The following ATXN1 variants were observed in gnomAD, a reference collection of about 807,000 sequenced individuals.
ATXN1 encodes the protein ataxin-1.
A neutral mutation model predicts 56.4 loss-of-function variants in ATXN1; 8 were observed. That is an observed-to-expected ratio of 0.14 (90% CI 0.08 to 0.26). The LOEUF is 0.26. Ranked by LOEUF, ATXN1 falls within the 10% of genes least tolerant of loss-of-function variation. The pLI, the probability that ATXN1 is intolerant of heterozygous loss-of-function variation, is 1.00. For missense variants in ATXN1, 987 were observed against 1,106.5 expected (o/e 0.89, Z 1.53); for synonymous variants, 514 against 494.6 (o/e 1.04, Z -0.52).
chr6:16,402,644 AAGGG>A (rs1483348310), intron 6 of ATXN1, among the ~76,000 whole-genome samples: 5 of 152,160 alleles, frequency 3.3e-5, no homozygotes, highest in African/African-American at 1.2e-4. Flanking sequence ...TCCTCCTTTC[AAGGG>A]AGGATCATTT....
chr6:16,566,546 A>AAAAC lies in ATXN1; in HGVS notation c.-361+19230_-361+19233dup, dbSNP rs531564016. Among the ~76,000 whole-genome samples, 577 of 152,056 alleles carry AAAAC rather than the reference A, an allele frequency of 3.8e-3. 2 individuals carry two copies. The highest frequency in any genetic ancestry group is 0.011 in the African/African-American group (453 of 41,470). Reference sequence around the variant, plus strand: ...CATCTCACCATGCCTGGCCAATTAAAAAACAAACAAACAAACAAACAAACA... The same window carrying AAAAC: ...CATCTCACCATGCCTGGCCAATTAAAAAACAAACAAACAAACAAACAAACAAACA... On this transcript the variant is annotated intron_variant, in intron 4 of 7. Transcript: ENST00000436367.
At chr6:16,473,196 T>G (rs1014038591) in intron 6 of ATXN1, among the ~76,000 whole-genome samples, 3 of 152,158 alleles carry the variant, frequency 2.0e-5, no homozygotes, top group African/African-American at 7.2e-5. Context: ...CCCTCAATTT[T>G]ACCTATAAAA....
chr6:16,360,092 A>G (rs179975), intron 6 of ATXN1, among the ~76,000 whole-genome samples: 113,910 of 152,060 alleles, frequency 0.75, 42,707 homozygotes, highest in Admixed American at 0.83. Flanking sequence ...TAAAAAAGAC[A>G]GAAGAAAATT....
chr6:16,584,309 T>C (rs1479648916), intron 4 of ATXN1, among the ~76,000 whole-genome samples: 1 of 149,812 alleles, frequency 6.7e-6, no homozygotes, highest in Non-Finnish European at 1.5e-5. Context: ...CACATACATA[T>C]ATAGGCACAT....
intron 6 of ATXN1, among the ~76,000 whole-genome samples, chr6:16,372,966 CAAAT>C (rs1301454370): frequency 9.5e-5 from 12 of 125,966 alleles, no homozygotes; most frequent in Admixed American, 3.5e-4. Context: ...AACAAACAAA[CAAAT>C]AAATGAACCT....
intron 6 of ATXN1, among the ~76,000 whole-genome samples, chr6:16,362,545 G>A (rs529936773): frequency 1.3e-5 from 2 of 152,130 alleles, no homozygotes; most frequent in Admixed American, 6.5e-5. Context: ...CCCCCGCTCC[G>A]GAGTGAAAGA....
chr6:16,592,759 CACAGA>C (rs1466004385), intron 3 of ATXN1, among the ~76,000 whole-genome samples: 1 of 151,280 alleles, frequency 6.6e-6, no homozygotes, highest in African/African-American at 2.4e-5. Flanking sequence ...TTAAAGATGG[CACAGA>C]CCCAAAAGAC....
intron 3 of ATXN1, among the ~76,000 whole-genome samples, chr6:16,591,491 G>C (rs1308365147): frequency 6.6e-6 from 1 of 151,994 alleles, no homozygotes; most frequent in Non-Finnish European, 1.5e-5. Flanking sequence ...ACATCTGATG[G>C]AATCTTAGTA....
At chr6:16,728,612 T>G (rs1759901673) in intron 2 of ATXN1, among the ~76,000 whole-genome samples, 1 of 152,164 alleles carries the variant, frequency 6.6e-6, no homozygotes, top group Non-Finnish European at 1.5e-5. Context: ...AGAATGGTAA[T>G]ATCATCATAG....
At chr6:16,690,804 C>G (rs781259148) in intron 2 of ATXN1, among the ~76,000 whole-genome samples, 1 of 152,158 alleles carries the variant, frequency 6.6e-6, no homozygotes, top group Non-Finnish European at 1.5e-5. Context: ...CTGCCTGGAG[C>G]GAGACCTGAC....
At chr6:16,715,631 G>C (rs1357940698) in intron 2 of ATXN1, among the ~76,000 whole-genome samples, 1 of 152,188 alleles carries the variant, frequency 6.6e-6, no homozygotes, top group East Asian at 1.9e-4. Context: ...TTGGAAGAAA[G>C]CTCCTATTTC....
chr6:16,337,621 C>A (rs914058211), intron 6 of ATXN1, among the ~76,000 whole-genome samples: 1 of 152,226 alleles, frequency 6.6e-6, no homozygotes, highest in African/African-American at 2.4e-5. Context: ...CTGTCAAGAC[C>A]TTTCCTGATT....
chr6:16,745,933 CGTGTGTGTGT>C (rs60773814), intron 2 of ATXN1, among the ~76,000 whole-genome samples: 2,298 of 147,208 alleles, frequency 0.016, 52 homozygotes, highest in African/African-American at 0.048. Context: ...CTATGCCTTC[CGTGTGTGTGT>C]GTGTGTGTGT....
chr6:16,629,866 G>A (rs1010070652), intron 3 of ATXN1, among the ~76,000 whole-genome samples: 8 of 149,876 alleles, frequency 5.3e-5, no homozygotes, highest in African/African-American at 1.7e-4. Context: ...GCAGTGAGCC[G>A]AGATCACACC....
chr6:16,722,984 T>C (rs1196091350), intron 2 of ATXN1, among the ~76,000 whole-genome samples: 3 of 152,228 alleles, frequency 2.0e-5, no homozygotes, highest in Non-Finnish European at 4.4e-5. Flanking sequence ...TACAAGGTGT[T>C]TTTACCCAAC....
intron 2 of ATXN1, among the ~76,000 whole-genome samples, chr6:16,683,850 T>C (rs3793112): frequency 0.33 from 49,532 of 152,022 alleles, 8,186 homozygotes; most frequent in Non-Finnish European, 0.35. Context: ...TCCCCTGCCC[T>C]GAGATATTAT....
At chr6:16,352,760 G>C (rs1164952015) in intron 6 of ATXN1, among the ~76,000 whole-genome samples, 2 of 152,120 alleles carry the variant, frequency 1.3e-5, no homozygotes, top group African/African-American at 4.8e-5. Flanking sequence ...CAAACCCTAT[G>C]TACGCTATGT....
At chr6:16,314,040 A>T (rs1261018426) in intron 7 of ATXN1, among the ~76,000 whole-genome samples, 1 of 152,220 alleles carries the variant, frequency 6.6e-6, no homozygotes, top group Non-Finnish European at 1.5e-5. Context: ...ATGAAAGCTG[A>T]GGTGGGAGCG....
intron 6 of ATXN1, among the ~76,000 whole-genome samples, chr6:16,389,337 C>CAAAAA (rs950919034): frequency 3.2e-5 from 4 of 125,674 alleles, no homozygotes; most frequent in Non-Finnish European, 6.5e-5. Context: ...ACTCCATCTC[C>CAAAAA]AAAAAAAAAG....
Sources: gnomAD v4.1 joint callset for allele counts (sites outside exome capture counted in the v4.1 genomes callset) on GRCh38, gnomAD v4.1.1 for gene constraint, MANE v1.5 for transcripts, NCBI Gene and HGNC (gene_info 2026-07-23, HGNC 2026-07-21) for gene names.